Variants in GRID1 observed in about 807,000 individuals in gnomAD.
GRID1 encodes the protein glutamate receptor ionotropic, delta-1.
In GRID1, 28 loss-of-function variants were observed where a neutral mutation model predicts 98.0. That is an observed-to-expected ratio of 0.29 (90% CI 0.21 to 0.39). GRID1 has a LOEUF of 0.39. Among genes scored for constraint, GRID1 ranks in the 10% least tolerant of loss-of-function variants. GRID1 has a pLI of 1.00. For synonymous variants in GRID1, 553 were observed against 538.5 expected (o/e 1.03, Z -0.37); for missense variants, 1,111 against 1,340.5 (o/e 0.83, Z 2.67).
rs925687326 is a variant in GRID1, at chr10:85,823,383, A to G, written c.1233+31113T>C. Among the ~76,000 whole-genome samples the G allele has an allele frequency of 3.9e-5, 6 of 152,066 alleles. No homozygotes were observed. In the South Asian group the frequency reaches 1.2e-3, roughly 31 times the overall value. On this transcript the variant is annotated intron_variant, in intron 8 of 15. Transcript: ENST00000327946. ...TTTTTAAATTACAAAAAAGAGAAAA[A>G]TAAAGATAATTTGAGAAATAATTAG...
intron 2 of GRID1, among the ~76,000 whole-genome samples, chr10:86,216,841 G>A (rs1300916910): frequency 6.6e-6 from 1 of 152,172 alleles, no homozygotes; most frequent in Non-Finnish European, 1.5e-5. Context: ...CTATGCCCAG[G>A]ACATAGACTA....
At chr10:86,319,063 G>A (rs1252713918) in intron 2 of GRID1, among the ~76,000 whole-genome samples, 1 of 152,118 alleles carries the variant, frequency 6.6e-6, no homozygotes, top group East Asian at 1.9e-4. Context: ...AGGGTGGGGG[G>A]AACTGGGAGT....
At chr10:85,650,413 C>T (rs1843253015) in intron 12 of GRID1, among the ~76,000 whole-genome samples, 1 of 152,162 alleles carries the variant, frequency 6.6e-6, no homozygotes, top group African/African-American at 2.4e-5. Context: ...GTGCCTATCA[C>T]AGGTGTGGTC....
At chr10:85,967,982 T>C (rs576802839) in intron 4 of GRID1, among the ~76,000 whole-genome samples, 50 of 152,322 alleles carry the variant, frequency 3.3e-4, no homozygotes, top group Middle Eastern at 3.4e-3. Context: ...TGGATAAAAT[T>C]TGTTATTATA....
intron 8 of GRID1, among the ~76,000 whole-genome samples, chr10:85,802,561 A>G (rs529642354): frequency 2.0e-5 from 3 of 152,178 alleles, no homozygotes; most frequent in African/African-American, 7.2e-5. Flanking sequence ...AACTCATATT[A>G]TGCACAAAAT....
intron 2 of GRID1, among the ~76,000 whole-genome samples, chr10:86,319,328 G>A (rs1220308289): frequency 1.3e-5 from 2 of 152,158 alleles, no homozygotes; most frequent in Non-Finnish European, 2.9e-5. Context: ...TAGAAGTATG[G>A]AGACCAGCCT....
intron 12 of GRID1, among the ~76,000 whole-genome samples, chr10:85,653,907 G>A (rs1049140337): frequency 5.9e-5 from 9 of 152,018 alleles, no homozygotes; most frequent in Admixed American, 2.0e-4. Context: ...AGAAATAAAT[G>A]CCCTTTTTAA....
chr10:85,939,099 C>T (rs139002225), intron 4 of GRID1, among the ~76,000 whole-genome samples: 121 of 152,246 alleles, frequency 7.9e-4, no homozygotes, highest in East Asian at 6.2e-3. Context: ...AGTCCCAGGC[C>T]GCCTGGTGCC....
intron 12 of GRID1, among the ~76,000 whole-genome samples, chr10:85,708,208 A>T (rs11201742): frequency 0.06 from 9,120 of 151,580 alleles, 531 homozygotes; most frequent in African/African-American, 0.15. Flanking sequence ...ATCGAGACCA[A>T]CCTGGCTAAC....
intron 5 of GRID1, among the ~76,000 whole-genome samples, chr10:85,881,152 T>C (rs1365676064): frequency 6.6e-6 from 1 of 152,220 alleles, no homozygotes; most frequent in Non-Finnish European, 1.5e-5. Context: ...GAACATTCCA[T>C]GCTCATGGCT....
Position 85,785,014 on chromosome 10 carries a change from C to T in GRID1, c.1234-55400G>A, listed in dbSNP as rs115464656. Among the ~76,000 whole-genome samples, 748 of 152,240 alleles carry T rather than the reference C, an allele frequency of 4.9e-3. 7 individuals carry two copies. Among genetic ancestry groups the T allele is most frequent in the African/African-American group, 0.017 (714 of 41,540 alleles). The stretch of plus-strand genomic sequence containing the variant: ...GCTACACAATTGCAGAGGAGATCCC[C>T]GATGCTCTCCCTTGTATGTAGATAG... On this transcript the variant is annotated intron_variant, in intron 8 of 15. Coordinates refer to ENST00000327946, the MANE Select transcript of GRID1 (RefSeq NM_017551.3).
chr10:85,626,143 C>G (rs942658983), intron 13 of GRID1, among the ~76,000 whole-genome samples: 2 of 152,178 alleles, frequency 1.3e-5, no homozygotes, highest in Non-Finnish European at 2.9e-5. Flanking sequence ...CACTGGGTAC[C>G]AAGGCCTTCA....
intron 5 of GRID1, among the ~76,000 whole-genome samples, chr10:85,892,513 C>A (rs1256726847): frequency 2.0e-5 from 3 of 151,288 alleles, no homozygotes; most frequent in Non-Finnish European, 3.0e-5. Flanking sequence ...TCAAGGCAAG[C>A]CTGAAGTCCG....
intron 2 of GRID1, among the ~76,000 whole-genome samples, chr10:86,227,602 A>G (rs1407068344): frequency 6.6e-6 from 1 of 151,826 alleles, no homozygotes. Flanking sequence ...CCTTCCCAAT[A>G]CCTGCTCCCA....
chr10:85,730,788 A>C (rs1841813463), intron 8 of GRID1, among the ~76,000 whole-genome samples: 1 of 152,168 alleles, frequency 6.6e-6, no homozygotes, highest in South Asian at 2.1e-4. Flanking sequence ...CAAATCACCC[A>C]GGGATTTTGT....
rs193130986 is a variant in GRID1, at chr10:85,908,722, A to C, written c.780+7464T>G. Among the ~76,000 whole-genome samples, 758 of 152,322 alleles carry C rather than the reference A, an allele frequency of 5.0e-3. 11 individuals are homozygous for C. The highest frequency in any genetic ancestry group is 0.016 in the African/African-American group (684 of 41,564). On this transcript the variant is annotated intron_variant, in intron 5 of 15. Transcript: ENST00000327946. ...ACAAAAATTTCAAGGACCTAAGATA[A>C]CCAAAACAATCTTGAAAATGAAGAA...
At chr10:86,353,145 G>T (rs1848485090) in intron 2 of GRID1, among the ~76,000 whole-genome samples, 1 of 152,178 alleles carries the variant, frequency 6.6e-6, no homozygotes, top group South Asian at 2.1e-4. Context: ...AAGCGACCAA[G>T]TCCCTCCCTC....
chr10:85,919,228 C>T (rs1048519917), intron 4 of GRID1, among the ~76,000 whole-genome samples: 3 of 152,170 alleles, frequency 2.0e-5, no homozygotes, highest in African/African-American at 7.2e-5. Context: ...GCCTTGGCCA[C>T]CCTAAGAAGT....
chr10:85,660,456 C>A (rs1309074224), intron 12 of GRID1, among the ~76,000 whole-genome samples: 1 of 152,166 alleles, frequency 6.6e-6, no homozygotes, highest in Non-Finnish European at 1.5e-5. Context: ...TGGGGATATC[C>A]AAACATATCC....
Sources: gnomAD v4.1 joint callset for allele counts (sites outside exome capture counted in the v4.1 genomes callset) on GRCh38, gnomAD v4.1.1 for gene constraint, MANE v1.5 for transcripts, NCBI Gene and HGNC (gene_info 2026-07-23, HGNC 2026-07-21) for gene names.